ARNT2: variants seen among roughly 807,000 people sequenced by gnomAD.
ARNT2 encodes the protein aryl hydrocarbon receptor nuclear translocator 2, also known as ARNT protein 2.
Under a neutral mutation model 91.7 loss-of-function variants are expected in ARNT2, and 36 were observed. The observed-to-expected ratio is 0.39, with a 90% CI of 0.30 to 0.52. The LOEUF (loss-of-function observed/expected upper bound fraction) is 0.52. Ranked by LOEUF, ARNT2 falls within the 20% of genes least tolerant of loss-of-function variation. The pLI, the probability that ARNT2 is intolerant of heterozygous loss-of-function variation, is 0.72. For missense variants in ARNT2, 775 were observed against 939.3 expected, an observed-to-expected ratio of 0.83 and a Z score of 2.29; for synonymous variants, 365 against 347.1, an observed-to-expected ratio of 1.05 and a Z score of -0.57.
At chr15:80,539,028 G>A (rs930649801) in intron 8 of ARNT2, among the ~76,000 whole-genome samples, 6 of 151,838 alleles carry the variant, frequency 4.0e-5, no homozygotes, top group African/African-American at 1.5e-4. Flanking sequence ...TTTTTCTTTT[G>A]TATTTTTTTA....
chr15:80,435,559 A>G (rs1896073739), intron 1 of ARNT2, among the ~76,000 whole-genome samples: 1 of 151,792 alleles, frequency 6.6e-6, no homozygotes, highest in Non-Finnish European at 1.5e-5. Context: ...TCCCATGCAC[A>G]TTGCTGACCC....
intron 7 of ARNT2, 103 bp from the exon 8 acceptor site, chr15:80,514,217 A>G: frequency 8.0e-7 from 1 of 1,244,484 alleles, no homozygotes; most frequent in South Asian, 1.3e-5. Flanking sequence ...CAAAACCACA[A>G]AGGCAGACAA....
chr15:80,444,018 T>C (rs1896240289), intron 1 of ARNT2, among the ~76,000 whole-genome samples: 1 of 152,222 alleles, frequency 6.6e-6, no homozygotes, highest in Non-Finnish European at 1.5e-5. Context: ...GTGTTCATGT[T>C]TCTATGCTGC....
chr15:80,585,139 C>T (rs1410222776), intron 17 of ARNT2, among the ~76,000 whole-genome samples: 1 of 152,194 alleles, frequency 6.6e-6, no homozygotes, highest in African/African-American at 2.4e-5. Flanking sequence ...TCAGACCTTT[C>T]ACGTTATCTT....
intron 1 of ARNT2, among the ~76,000 whole-genome samples, chr15:80,446,269 T>C (rs555110640): frequency 1.3e-5 from 2 of 152,230 alleles, no homozygotes; most frequent in Admixed American, 1.3e-4. Context: ...GAAGGAACAT[T>C]TCTTCTACTA....
At chr15:80,564,263 T>G (rs546749859) in intron 12 of ARNT2, among the ~76,000 whole-genome samples, 21 of 152,172 alleles carry the variant, frequency 1.4e-4, no homozygotes, top group African/African-American at 4.1e-4. Context: ...CTGACATCCC[T>G]TCTCGGTAGC....
chr15:80,496,811 G>T (rs77184429), intron 5 of ARNT2, among the ~76,000 whole-genome samples: 5,313 of 152,256 alleles, frequency 0.035, 224 homozygotes, highest in East Asian at 0.17. Context: ...AATCCTCAAG[G>T]ATTCTTTGGA....
intron 2 of ARNT2, among the ~76,000 whole-genome samples, chr15:80,457,719 G>T (rs1567184634): frequency 1.3e-5 from 2 of 152,218 alleles, no homozygotes; most frequent in Non-Finnish European, 2.9e-5. Context: ...TAGAATTAGT[G>T]GTGCTTAGAC....
rs1127267 is a variant in ARNT2 at position 80,597,612 on chromosome 15, T to C, written c.*3914T>C. 0.17 allele frequency: 29,515 copies of C among 171,602 alleles called. 3,896 individuals are homozygous for C. The highest frequency in any genetic ancestry group is 0.38 in the African/African-American group (15,892 of 42,106). The allele number at this position is 171,602 out of a possible 1,614,324, so 10.6% of individuals were successfully genotyped here. On this transcript the variant is annotated 3_prime_UTR_variant, in exon 19 of 19. Transcript: ENST00000303329. ...ATGGTCAACAACAGGCCAGGGTCTG[T>C]GGGGCACTGACCTTGAAAGTGGCAA... is the stretch of plus-strand genomic sequence containing the variant.
intron 8 of ARNT2, among the ~76,000 whole-genome samples, chr15:80,548,016 A>G (rs1230529621): frequency 6.6e-6 from 1 of 152,172 alleles, no homozygotes. Flanking sequence ...ATTTTATATT[A>G]CAATTAGCCT....
At chr15:80,519,846 G>A (rs980890975) in intron 8 of ARNT2, among the ~76,000 whole-genome samples, 39 of 147,230 alleles carry the variant, frequency 2.6e-4, no homozygotes, top group South Asian at 8.5e-4. Context: ...CACCATGCCC[G>A]GCTAATTTTT....
intron 1 of ARNT2, among the ~76,000 whole-genome samples, chr15:80,406,405 T>A (rs1895601664): frequency 1.3e-5 from 2 of 152,108 alleles, no homozygotes; most frequent in South Asian, 4.2e-4. Context: ...TCAAAATCAA[T>A]GGAAAATTGA....
intron 8 of ARNT2, among the ~76,000 whole-genome samples, chr15:80,541,498 T>C (rs935239230): frequency 4.6e-5 from 7 of 152,192 alleles, no homozygotes; most frequent in Non-Finnish European, 8.8e-5. Context: ...TTTAATTAGG[T>C]CCTACTTGTC....
intron 8 of ARNT2, among the ~76,000 whole-genome samples, chr15:80,544,876 A>G (rs1897966167): frequency 6.6e-6 from 1 of 152,194 alleles, no homozygotes; most frequent in African/African-American, 2.4e-5. Flanking sequence ...TCACTTGTCT[A>G]AAGGGCTACA....
At position 80,517,586 on chromosome 15, in the gene ARNT2, A is replaced by G. The variant is rs74575348; in HGVS notation, c.877+3181A>G. On this transcript the variant is annotated intron_variant, in intron 8 of 18. Coordinates refer to ENST00000303329, the MANE Select transcript of ARNT2 (RefSeq NM_014862.4). ...CTTCTCTTTTGTATTCCAATTACACAGATATATCTTTTGAAATTGTACCAC... is the reference window on the plus strand; with the variant it reads ...CTTCTCTTTTGTATTCCAATTACACGGATATATCTTTTGAAATTGTACCAC... Among the ~76,000 whole-genome samples, 1,418 of 149,788 alleles carry G rather than the reference A, an allele frequency of 9.5e-3. 16 individuals carry two copies. The highest frequency in any genetic ancestry group is 0.032 in the African/African-American group (1,299 of 40,964).
chr15:80,497,256 A>T (rs548229051), intron 5 of ARNT2, among the ~76,000 whole-genome samples: 2 of 152,396 alleles, frequency 1.3e-5, no homozygotes, highest in East Asian at 3.9e-4. Flanking sequence ...CAAGTAAGCC[A>T]TTTAAAAGGA....
intron 2 of ARNT2, among the ~76,000 whole-genome samples, 156 bp from the exon 3 acceptor site, chr15:80,457,773 A>G (rs1376478906): frequency 6.6e-6 from 1 of 152,194 alleles, no homozygotes; most frequent in East Asian, 1.9e-4. Context: ...AACCCGTTTG[A>G]TGACTGTGTA....
chr15:80,410,113 C>T (rs968817124), intron 1 of ARNT2, among the ~76,000 whole-genome samples: 2 of 152,046 alleles, frequency 1.3e-5, no homozygotes, highest in Non-Finnish European at 2.9e-5. Context: ...TGGACTGAAG[C>T]GGGAGGAAAA....
chr15:80,569,842 C>T (rs1015500602), intron 12 of ARNT2, among the ~76,000 whole-genome samples: 17 of 152,384 alleles, frequency 1.1e-4, no homozygotes, highest in African/African-American at 3.8e-4. Context: ...TGCCCCACTT[C>T]GCCCCTTGGC....
Sources: gnomAD v4.1 joint callset for allele counts (sites outside exome capture counted in the v4.1 genomes callset) on GRCh38, gnomAD v4.1.1 for gene constraint, MANE v1.5 for transcripts, NCBI Gene and HGNC (gene_info 2026-07-23, HGNC 2026-07-21) for gene names.